Variants in DCUN1D4 observed in about 807,000 individuals in gnomAD.
DCUN1D4 encodes the protein defective in cullin neddylation 1 domain containing 4, also known as DCN1-like protein 4.
In DCUN1D4, 22 loss-of-function variants were observed where a neutral mutation model predicts 47.9. The observed-to-expected ratio is 0.46, with a 90% CI of 0.33 to 0.66. The LOEUF is 0.66. Ranked by LOEUF, DCUN1D4 falls within the 30% of genes least tolerant of loss-of-function variation. The pLI, the probability that DCUN1D4 is intolerant of heterozygous loss-of-function variation, is 0.02. For synonymous variants in DCUN1D4, 121 were observed against 112.2 expected, an observed-to-expected ratio of 1.08 and a Z score of -0.50; for missense variants, 301 against 340.8, an observed-to-expected ratio of 0.88 and a Z score of 0.92.
intron 1 of DCUN1D4, chr4:51,848,388 G>C: frequency 8.6e-7 from 1 of 1,158,976 alleles, no homozygotes. Context: ...AAGGGGCCTA[G>C]AGTGTTTGTC....
chr4:51,882,877 TC>T lies in DCUN1D4; in HGVS notation c.344-3684del, dbSNP rs374734268. ...TTTTAAAAGAATTACAAAGTAACTT[TC>T]CCCCCCGGCTCTATGCAGCTGCTTC... On this transcript the variant is annotated intron_variant, in intron 5 of 10. Coordinates refer to ENST00000334635, the MANE Select transcript of DCUN1D4 (RefSeq NM_001040402.3). 9.9e-3 allele frequency among the ~76,000 whole-genome samples: 1,497 copies of T among 151,506 alleles called. 27 individuals are homozygous for T. The highest frequency in any genetic ancestry group is 0.034 in the African/African-American group (1,415 of 41,274).
At position 51,848,302 on chromosome 4, in the gene DCUN1D4, C is replaced by T. The variant is rs1456259160; in HGVS notation, c.25+5035C>T. The T allele has an allele frequency of 3.1e-6, 4 of 1,288,424 alleles. No homozygotes were observed. The Admixed American group carries it at 6.9e-5, about 22-fold the overall frequency. 79.8% of individuals were successfully genotyped at this position (1,288,424 alleles called of 1,614,324 possible). On this transcript the variant is annotated intron_variant, in intron 1 of 10. Transcript: ENST00000334635. ...AACAGAAGGAGTGTTTGTGAATGTG[C>T]ACACGTCCGTTTCTGGTCTCTCGTG... is the stretch of plus-strand genomic sequence containing the variant.
the DCUN1D4 span, among the ~76,000 whole-genome samples, chr4:51,834,096 C>CTTTTTTTTTTTTTTTTTTTT: frequency 4.6e-5 from 2 of 43,580 alleles, no homozygotes; most frequent in African/African-American, 2.1e-4. Flanking sequence ...CTTTTCTTTT[C>CTTTTTTTTTTTTTTTTTTTT]TTCTTTCTTT....
intron 1 of DCUN1D4, chr4:51,843,563 C>G: frequency 4.1e-6 from 5 of 1,209,164 alleles, no homozygotes; most frequent in Non-Finnish European, 3.1e-6. Flanking sequence ...GATGAAGGGC[C>G]GAGATCGGAG....
chr4:51,874,479 A>G, intron 4 of DCUN1D4, 94 bp downstream of exon 4: 2 of 765,802 alleles, frequency 2.6e-6, no homozygotes, highest in East Asian at 5.8e-5. Flanking sequence ...AAGTGTGCAA[A>G]TGCCAAGTGG....
At chr4:51,893,866 G>T (rs562342238) in intron 7 of DCUN1D4, among the ~76,000 whole-genome samples, 1 of 152,150 alleles carries the variant, frequency 6.6e-6, no homozygotes, top group Non-Finnish European at 1.5e-5. Flanking sequence ...TCTTAAGAAG[G>T]TGTGATACCC....
intron 1 of DCUN1D4, among the ~76,000 whole-genome samples, chr4:51,846,950 A>G (rs970871719): frequency 1.3e-5 from 2 of 152,188 alleles, no homozygotes; most frequent in African/African-American, 2.4e-5. Flanking sequence ...ATATTTCCTT[A>G]TAACTCCCTG....
chr4:51,893,383 T>G (rs1352768952), intron 7 of DCUN1D4, among the ~76,000 whole-genome samples: 1 of 152,096 alleles, frequency 6.6e-6, no homozygotes, highest in Non-Finnish European at 1.5e-5. Flanking sequence ...TTTTTCATTA[T>G]TTTTCTCACT....
At chr4:51,876,136 T>C (rs1727631628) in intron 4 of DCUN1D4, among the ~76,000 whole-genome samples, 1 of 152,192 alleles carries the variant, frequency 6.6e-6, no homozygotes, top group Non-Finnish European at 1.5e-5. Context: ...GTCTAGGTCA[T>C]GAATCAATGT....
chr4:51,867,462 A>C (rs1394811584), intron 3 of DCUN1D4, among the ~76,000 whole-genome samples: 1 of 152,208 alleles, frequency 6.6e-6, no homozygotes, highest in Admixed American at 6.5e-5. Context: ...TATGCAGACA[A>C]CTGGAGGGTA....
intron 5 of DCUN1D4, among the ~76,000 whole-genome samples, chr4:51,882,354 A>T (rs1178783256): frequency 1.3e-5 from 2 of 152,212 alleles, no homozygotes; most frequent in Admixed American, 6.5e-5. Context: ...TATGGTGAAC[A>T]TTGACAGAAA....
chr4:51,913,219 TA>T (rs1396874527), intron 9 of DCUN1D4, 70 bp from the exon 10 acceptor site: 1 of 951,294 alleles, frequency 1.1e-6, no homozygotes, highest in Non-Finnish European at 1.6e-6. Context: ...AGTTGATTCA[TA>T]AAGCAATTGA....
intron 8 of DCUN1D4, among the ~76,000 whole-genome samples, chr4:51,903,411 T>C (rs932514775): frequency 5.3e-5 from 8 of 152,222 alleles, no homozygotes; most frequent in African/African-American, 1.9e-4. Context: ...TCTTTTGTTT[T>C]CTGACTTTTT....
intron 1 of DCUN1D4, chr4:51,848,078 T>C (rs6817312): frequency 0.33 from 197,435 of 601,516 alleles, 38,490 homozygotes; most frequent in African/African-American, 0.71. Flanking sequence ...ATTCTTCCTG[T>C]TCCTGTTGTC....
chr4:51,868,883 G>C (rs1204356702), intron 3 of DCUN1D4, among the ~76,000 whole-genome samples: 1 of 152,122 alleles, frequency 6.6e-6, no homozygotes, highest in Non-Finnish European at 1.5e-5. Context: ...ACTTTGGGAG[G>C]CTGAGACCAG....
intron 8 of DCUN1D4, among the ~76,000 whole-genome samples, chr4:51,909,150 C>G (rs1487440767): frequency 6.6e-6 from 1 of 151,812 alleles, no homozygotes; most frequent in Admixed American, 6.6e-5. Context: ...TCTTTTTTGT[C>G]ACCTTAGTGT....
intron 5 of DCUN1D4, among the ~76,000 whole-genome samples, chr4:51,881,696 T>A (rs1048409096): frequency 1.7e-4 from 25 of 151,212 alleles, no homozygotes; most frequent in Middle Eastern, 6.8e-3. Flanking sequence ...AAAAAACCTC[T>A]CTGTCTCAAA....
At chr4:51,874,692 A>G (rs962146176) in intron 4 of DCUN1D4, 2 of 242,310 alleles carry the variant, frequency 8.3e-6, no homozygotes, top group South Asian at 5.7e-5. Context: ...GCTGAGGACC[A>G]CAGAATTGGT....
intron 1 of DCUN1D4, among the ~76,000 whole-genome samples, chr4:51,854,471 A>G (rs561947744): frequency 6.6e-6 from 1 of 152,228 alleles, no homozygotes; most frequent in Non-Finnish European, 1.5e-5. Context: ...GGCTACTGTA[A>G]CCCTCCAGGA....
Sources: gnomAD v4.1 joint callset for allele counts (sites outside exome capture counted in the v4.1 genomes callset) on GRCh38, gnomAD v4.1.1 for gene constraint, MANE v1.5 for transcripts, NCBI Gene and HGNC (gene_info 2026-07-23, HGNC 2026-07-21) for gene names.